The following PCDH15 variants were observed in gnomAD, a reference collection of about 807,000 sequenced individuals.
The protein encoded by PCDH15 is protocadherin related 15, also known as protocadherin-15.
PCDH15 carries 129 observed loss-of-function variants against 178.5 expected under a neutral mutation model. The observed-to-expected ratio is 0.72, with a 90% confidence interval of 0.63 to 0.84. The LOEUF is 0.84. Ranked by LOEUF, PCDH15 falls within the 40% of genes least tolerant of loss-of-function variation. PCDH15 has a pLI of 0.00. For synonymous variants in PCDH15, 800 were observed against 732.0 expected (o/e 1.09, Z -1.50); for missense variants, 2,230 against 2,099.9 (o/e 1.06, Z -1.21).
intron 1 of PCDH15, among the ~76,000 whole-genome samples, chr10:55,177,772 ATGACTGCAAACAGATAG>A (rs1338879119): frequency 7.9e-5 from 12 of 152,274 alleles, no homozygotes; most frequent in Non-Finnish European, 1.8e-4. Context: ...GAACCTGAAC[ATGACTGCAAACAGATAG>A]TAGTACAAAT....
At chr10:54,419,425 G>T (rs1387663528) in intron 3 of PCDH15, among the ~76,000 whole-genome samples, 6 of 151,884 alleles carry the variant, frequency 4.0e-5, no homozygotes, top group Non-Finnish European at 1.5e-5. Flanking sequence ...ATTTATTTCT[G>T]CTTTCAAGCC....
chr10:53,995,463 T>C, intron 21 of PCDH15, 186 bp downstream of exon 21: 1 of 1,029,168 alleles, frequency 9.7e-7, no homozygotes, highest in South Asian at 1.6e-5. Flanking sequence ...TTGTCTAGGT[T>C]CAATAATAGT....
At chr10:54,631,966 G>A (rs1211884835) in intron 2 of PCDH15, among the ~76,000 whole-genome samples, 1 of 152,008 alleles carries the variant, frequency 6.6e-6, no homozygotes, top group Non-Finnish European at 1.5e-5. Flanking sequence ...GGATTAAAAG[G>A]ATTACAATTC....
chr10:54,447,989 AT>A (rs1324396868), intron 3 of PCDH15, among the ~76,000 whole-genome samples: 7 of 151,618 alleles, frequency 4.6e-5, no homozygotes, highest in Non-Finnish European at 1.0e-4. Flanking sequence ...ATATGTTATA[AT>A]ATTTAACTGA....
intron 32 of PCDH15, among the ~76,000 whole-genome samples, chr10:53,825,832 T>A (rs2076641249): frequency 6.6e-6 from 1 of 151,402 alleles, no homozygotes. Context: ...CTTAAACTAT[T>A]TCAATGAATA....
chr10:54,962,723 G>A (rs1838687501), intron 2 of PCDH15, among the ~76,000 whole-genome samples: 1 of 152,178 alleles, frequency 6.6e-6, no homozygotes, highest in South Asian at 2.1e-4. Flanking sequence ...ACTGTGGCTG[G>A]ACTCCTTGCT....
chr10:54,339,249 C>A (rs1374909229), intron 6 of PCDH15, among the ~76,000 whole-genome samples: 1 of 152,098 alleles, frequency 6.6e-6, no homozygotes, highest in Non-Finnish European at 1.5e-5. Context: ...TGGCCCAAGA[C>A]AATTCTTTTT....
intron 1 of PCDH15, among the ~76,000 whole-genome samples, chr10:55,199,413 G>C (rs1840179837): frequency 6.6e-6 from 1 of 152,024 alleles, no homozygotes; most frequent in African/African-American, 2.4e-5. Flanking sequence ...CATTCAATAT[G>C]TGGCCTGGTT....
intron 23 of PCDH15, among the ~76,000 whole-genome samples, chr10:53,943,817 A>G (rs563272664): frequency 6.6e-6 from 1 of 152,180 alleles, no homozygotes; most frequent in Admixed American, 6.5e-5. Context: ...TCTCCCAAAA[A>G]GAATTAAATG....
chr10:54,380,668 TATGCTCC>T (rs1174540566), intron 3 of PCDH15, among the ~76,000 whole-genome samples: 174 of 43,378 alleles, frequency 4.0e-3, no homozygotes, highest in East Asian at 0.015. Context: ...TATATATATA[TATGCTCC>T]ATATATATAT....
In PCDH15 at chr10:54,953,459, A is replaced by G. The variant is rs190918652; in HGVS notation, c.-79-55959T>C. The stretch of plus-strand genomic sequence containing the variant: ...AGTACAAGTTTCTGAACAGGAATTT[A>G]TTTCCCGGTTTCCAAATTTCTAACA... On this transcript the variant is annotated intron_variant, in intron 2 of 5. Coordinates refer to the PCDH15 transcript ENST00000458638. Among the ~76,000 whole-genome samples the G allele has an allele frequency of 7.6e-3, 1,139 of 150,380 alleles. 15 individuals carry two copies. The highest frequency in any genetic ancestry group is 0.027 in the African/African-American group (1,086 of 40,390).
At chr10:55,017,492 G>T (rs1840211806) in intron 2 of PCDH15, among the ~76,000 whole-genome samples, 2 of 152,042 alleles carry the variant, frequency 1.3e-5, no homozygotes, top group African/African-American at 4.8e-5. Flanking sequence ...TGAGATAATT[G>T]CTAATTAAAA....
At chr10:55,327,929 TAGTC>T (rs1362191675) in intron 2 of PCDH15, among the ~76,000 whole-genome samples, 1 of 152,076 alleles carries the variant, frequency 6.6e-6, no homozygotes, top group African/African-American at 2.4e-5. Flanking sequence ...GTCAGTCACT[TAGTC>T]AGGATACAAA....
chr10:55,041,712 A>T (rs942641877), intron 2 of PCDH15, among the ~76,000 whole-genome samples: 1 of 152,170 alleles, frequency 6.6e-6, no homozygotes, highest in Admixed American at 6.5e-5. Context: ...CCATCTTCTT[A>T]TTCAAGAATA....
chr10:54,059,639 T>C (rs555416194), intron 18 of PCDH15, among the ~76,000 whole-genome samples: 1 of 152,296 alleles, frequency 6.6e-6, no homozygotes, highest in Non-Finnish European at 1.5e-5. Flanking sequence ...TGGTATAGAG[T>C]ATAGCAGTCT....
At chr10:54,771,679 A>G (rs1467604876) in intron 1 of PCDH15, among the ~76,000 whole-genome samples, 1 of 152,132 alleles carries the variant, frequency 6.6e-6, no homozygotes, top group Non-Finnish European at 1.5e-5. Flanking sequence ...AAGCAAACAG[A>G]CATTTATTTT....
At chr10:55,312,897 G>A (rs932486499) in intron 1 of PCDH15, among the ~76,000 whole-genome samples, 4 of 152,136 alleles carry the variant, frequency 2.6e-5, no homozygotes, top group Non-Finnish European at 4.4e-5. Flanking sequence ...GATTACAGGC[G>A]TAAGCCACTG....
At chr10:54,769,468 ACTTTAAAGAAACCAGCATC>A (rs1948855559) in intron 1 of PCDH15, among the ~76,000 whole-genome samples, 1 of 150,658 alleles carries the variant, frequency 6.6e-6, no homozygotes, top group African/African-American at 2.4e-5. Context: ...AAAATTAGTG[ACTTTAAAGAAACCAGCATC>A]CTTTGCAAAC....
chr10:54,342,530 A>C (rs1431544927), intron 6 of PCDH15, among the ~76,000 whole-genome samples: 1 of 152,182 alleles, frequency 6.6e-6, no homozygotes, highest in African/African-American at 2.4e-5. Flanking sequence ...TGGAGCCCTC[A>C]TGGAAAACAT....
Sources: gnomAD v4.1 joint callset for allele counts (sites outside exome capture counted in the v4.1 genomes callset) on GRCh38, gnomAD v4.1.1 for gene constraint, MANE v1.5 for transcripts, NCBI Gene and HGNC (gene_info 2026-07-23, HGNC 2026-07-21) for gene names.